Variants in NEK10 observed in about 807,000 individuals in gnomAD.
NEK10 encodes the protein NIMA related kinase 10.
A neutral mutation model predicts 159.8 loss-of-function variants in NEK10; 122 were observed. The ratio of observed to expected loss-of-function variants is 0.76; its 90% CI spans 0.66 to 0.89. The LOEUF (loss-of-function observed/expected upper bound fraction) is 0.89. Among genes scored for constraint, NEK10 ranks in the 40% least tolerant of loss-of-function variants. The pLI, the probability that NEK10 is intolerant of heterozygous loss-of-function variation, is 0.00. For missense variants in NEK10, 1,342 were observed against 1,323.1 expected, an observed-to-expected ratio of 1.01 and a Z score of -0.22; for synonymous variants, 466 against 457.1, an observed-to-expected ratio of 1.02 and a Z score of -0.25.
At position 27,202,520 on chromosome 3, in the gene NEK10, C is replaced by G. The variant is rs772570784; in HGVS notation, c.2128G>C (p.Ala710Pro). ...VLKSEPYGEK[A>P]DVWAVGCILY... Reference sequence around the variant, plus strand: ...ATGCAGCCTACTGCCCAGACATCAGCCTTCTCCCCATACGGCTCACTCTTC... The same window carrying G: ...ATGCAGCCTACTGCCCAGACATCAGGCTTCTCCCCATACGGCTCACTCTTC... Residue 710 changes from alanine (A) to proline (P), a missense_variant, in exon 24 of 36, where the codon GCT (alanine) becomes CCT (proline). By Grantham distance (27) the Ala-to-Pro change is conservative. Transcript: ENST00000691995. The G allele has an allele frequency of 2.1e-5, 34 of 1,612,560 alleles. No individual in the cohort carries two copies. The highest frequency in any genetic ancestry group is 8.5e-7 in the Non-Finnish European group (1 of 1,179,228).
chr3:27,275,735 ACT>A (rs746760515), intron 22 of NEK10, among the ~76,000 whole-genome samples: 2 of 152,034 alleles, frequency 1.3e-5, no homozygotes, highest in Non-Finnish European at 2.9e-5. Context: ...TGCAATACTA[ACT>A]CTTTTTTTTA....
At chr3:27,147,744 T>C (rs1244999313) in intron 30 of NEK10, among the ~76,000 whole-genome samples, 1 of 152,216 alleles carries the variant, frequency 6.6e-6, no homozygotes, top group Non-Finnish European at 1.5e-5. Context: ...GAAATTAATA[T>C]ACTGGTATGA....
intron 23 of NEK10, among the ~76,000 whole-genome samples, chr3:27,231,235 A>G (rs754667913): frequency 2.6e-5 from 4 of 151,950 alleles, no homozygotes; most frequent in Non-Finnish European, 5.9e-5. Context: ...CAAATACTTG[A>G]AAATTAAATA....
intron 23 of NEK10, chr3:27,216,617 G>T (rs2149126786): frequency 6.6e-6 from 1 of 152,284 alleles, no homozygotes; most frequent in South Asian, 2.1e-4. Flanking sequence ...AAAAACCAAA[G>T]CCCAGTCTAG....
intron 5 of NEK10, among the ~76,000 whole-genome samples, chr3:27,337,035 G>GA (rs1218447783): frequency 6.6e-6 from 1 of 151,700 alleles, no homozygotes; most frequent in Admixed American, 6.6e-5. Flanking sequence ...TTTGGCGGGG[G>GA]GGAAAGGAAG....
intron 23 of NEK10, among the ~76,000 whole-genome samples, chr3:27,203,556 C>G (rs1950225311): frequency 6.7e-6 from 1 of 149,432 alleles, no homozygotes; most frequent in Non-Finnish European, 1.5e-5. Flanking sequence ...CACTAAAAAA[C>G]AGAGTACTAA....
chr3:27,261,847 T>C (rs541358907), intron 22 of NEK10, among the ~76,000 whole-genome samples: 241 of 152,318 alleles, frequency 1.6e-3, no homozygotes, highest in Middle Eastern at 6.8e-3. Context: ...ACTATTATTG[T>C]GTGGGAGTCT....
chr3:27,137,752 C>T (rs897222156), intron 31 of NEK10, among the ~76,000 whole-genome samples: 3 of 152,046 alleles, frequency 2.0e-5, no homozygotes, highest in African/African-American at 7.2e-5. Context: ...CAAAAGGCAG[C>T]CATCGGGAAA....
At chr3:27,139,660 AAGT>A (rs1240873230) in intron 31 of NEK10, among the ~76,000 whole-genome samples, 1 of 152,140 alleles carries the variant, frequency 6.6e-6, no homozygotes, top group African/African-American at 2.4e-5. Flanking sequence ...ATGCAGCTGG[AAGT>A]AGTTTAACTG....
At chr3:27,340,946 T>A (rs2047159879) in intron 5 of NEK10, among the ~76,000 whole-genome samples, 1 of 152,192 alleles carries the variant, frequency 6.6e-6, no homozygotes, top group Non-Finnish European at 1.5e-5. Context: ...GGAATCAACC[T>A]TAGTGTACAC....
chr3:27,170,396 T>C (rs1324300192), intron 29 of NEK10, among the ~76,000 whole-genome samples: 1 of 152,124 alleles, frequency 6.6e-6, no homozygotes, highest in Non-Finnish European at 1.5e-5. Context: ...ATCTAGACAG[T>C]CCTCTCAGCT....
intron 23 of NEK10, among the ~76,000 whole-genome samples, chr3:27,212,184 G>A (rs1470826961): frequency 6.6e-6 from 1 of 152,306 alleles, no homozygotes; most frequent in Admixed American, 6.5e-5. Flanking sequence ...TCATGAACAT[G>A]TAAATAATTT....
At chr3:27,280,989 A>G (rs986598145) in intron 22 of NEK10, among the ~76,000 whole-genome samples, 15 of 151,756 alleles carry the variant, frequency 9.9e-5, no homozygotes, top group African/African-American at 3.6e-4. Flanking sequence ...GAAACAATTC[A>G]GGATGCTAAA....
At chr3:27,341,840 G>C (rs553823862) in intron 5 of NEK10, among the ~76,000 whole-genome samples, 1 of 151,724 alleles carries the variant, frequency 6.6e-6, no homozygotes, top group Non-Finnish European at 1.5e-5. Context: ...AGTTGAAAGG[G>C]GTCACACTTC....
At position 27,284,583 on chromosome 3, in the gene NEK10, T is replaced by C. The variant is rs1457323366; in HGVS notation, c.2014+19A>G. The C allele has an allele frequency of 7.1e-7, 1 of 1,408,110 alleles. No individual in the cohort carries two copies. Among genetic ancestry groups the C allele is most frequent in the East Asian group, 2.3e-5 (1 of 44,008 alleles). 87.2% of individuals were successfully genotyped at this position (1,408,110 alleles called of 1,614,324 possible). ...TTCAGGAATTCTTCAGTTAAAAGTTTAAAAATCTTTATACTTACTAACGGT... is the reference window on the plus strand; with the variant it reads ...TTCAGGAATTCTTCAGTTAAAAGTTCAAAAATCTTTATACTTACTAACGGT... On this transcript the variant is annotated intron_variant, in intron 22 of 35. Transcript: ENST00000691995.
At chr3:27,133,192 T>A (rs189667982) in intron 31 of NEK10, among the ~76,000 whole-genome samples, 1 of 152,324 alleles carries the variant, frequency 6.6e-6, no homozygotes, top group East Asian at 1.9e-4. Context: ...CGAATGGAAC[T>A]GAGTAAGAAA....
chr3:27,295,572 T>G, intron 15 of NEK10, 41 bp downstream of exon 15: 1 of 1,535,606 alleles, frequency 6.5e-7, no homozygotes, highest in African/African-American at 1.4e-5. Flanking sequence ...ACCCAAGATT[T>G]CAATAACTTG....
At chr3:27,249,152 C>A (rs1955404661) in intron 23 of NEK10, among the ~76,000 whole-genome samples, 1 of 152,186 alleles carries the variant, frequency 6.6e-6, no homozygotes, top group Non-Finnish European at 1.5e-5. Context: ...GTTCCTCCTG[C>A]ATTCATTCTC....
intron 4 of NEK10, among the ~76,000 whole-genome samples, chr3:27,345,087 A>G (rs191741154): frequency 1.2e-4 from 19 of 152,350 alleles, no homozygotes; most frequent in African/African-American, 4.1e-4. Flanking sequence ...ACATGATACA[A>G]TATTTTTGTG....
Sources: gnomAD v4.1 joint callset for allele counts (sites outside exome capture counted in the v4.1 genomes callset) on GRCh38, gnomAD v4.1.1 for gene constraint, MANE v1.5 for transcripts, NCBI Gene and HGNC (gene_info 2026-07-23, HGNC 2026-07-21) for gene names.